SLC6A3: variants seen among roughly 807,000 people sequenced by gnomAD.
SLC6A3 encodes solute carrier family 6 member 3, also known as sodium-dependent dopamine transporter.
Under a neutral mutation model 70.4 loss-of-function variants are expected in SLC6A3, and 19 were observed. The observed-to-expected ratio is 0.27, with a 90% CI of 0.19 to 0.40. The LOEUF (loss-of-function observed/expected upper bound fraction) is 0.40, where lower values mean the gene tolerates loss of function less well. SLC6A3 is among the 10% of genes least tolerant of loss of function. SLC6A3 has a pLI of 1.00. For missense variants in SLC6A3, 613 were observed against 838.5 expected, an observed-to-expected ratio of 0.73 and a Z score of 3.32; for synonymous variants, 368 against 356.6, an observed-to-expected ratio of 1.03 and a Z score of -0.36.
intron 12 of SLC6A3, among the ~76,000 whole-genome samples, 198 bp from the exon 13 acceptor site, chr5:1,403,287 C>T (rs1755894868): frequency 6.6e-6 from 1 of 151,896 alleles, no homozygotes; most frequent in African/African-American, 2.4e-5. Context: ...TCTAGCCTGT[C>T]CTGTCCTATC....
In SLC6A3 at chr5:1,441,501, G is replaced by A; in HGVS notation, c.287-11C>T. 6.2e-7 allele frequency: 1 copy of A among 1,613,606 alleles called. No individual in the cohort carries two copies. The highest frequency in any genetic ancestry group is 8.5e-7 in the Non-Finnish European group (1 of 1,179,788). Reference sequence around the variant, plus strand: ...GGACCAGGAAGGCACCTGTGGGGCAGAAAAGCACCTTTAGTTTGGGGCCTC... The same window carrying A: ...GGACCAGGAAGGCACCTGTGGGGCAAAAAAGCACCTTTAGTTTGGGGCCTC... On this transcript the variant is annotated splice_polypyrimidine_tract_variant and intron_variant, in intron 2 of 14. Coordinates refer to ENST00000270349, the MANE Select transcript of SLC6A3 (RefSeq NM_001044.5).
At position 1,405,977 on chromosome 5, in the gene SLC6A3, T is replaced by C. The variant is rs577480638; in HGVS notation, c.1599+211A>G. 1.7e-3 allele frequency among the ~76,000 whole-genome samples: 255 copies of C among 151,120 alleles called. 4 individuals are homozygous for C. Among genetic ancestry groups the C allele is most frequent in the African/African-American group, 6.0e-3 (244 of 40,934 alleles). ...GACAGGGGTCCAAGACCATGTGAGGTTTTTTCGGTGGGTCTAGAGGGGAGG... is the reference window on the plus strand; with the variant it reads ...GACAGGGGTCCAAGACCATGTGAGGCTTTTTCGGTGGGTCTAGAGGGGAGG... On this transcript the variant is annotated intron_variant, in intron 12 of 14. Transcript: ENST00000270349. This position sits in a 1 kb window ranked among gnomAD's most constrained non-coding sequence, Gnocchi z 5.3.
At chr5:1,398,232 G>A (rs1012546618) in intron 14 of SLC6A3, among the ~76,000 whole-genome samples, 6 of 151,890 alleles carry the variant, frequency 4.0e-5, no homozygotes, top group Non-Finnish European at 8.8e-5. Flanking sequence ...GTGGTGCTGG[G>A]CACCTGTAAT....
intron 4 of SLC6A3, among the ~76,000 whole-genome samples, chr5:1,425,957 A>T (rs565633818): frequency 6.6e-6 from 1 of 152,322 alleles, no homozygotes; most frequent in South Asian, 2.1e-4. Context: ...AATCAAAAAT[A>T]CAATGACAGA....
chr5:1,405,287 G>A lies in SLC6A3; in HGVS notation c.1599+901C>T, dbSNP rs923008813. 2.6e-5 allele frequency among the ~76,000 whole-genome samples: 4 copies of A among 152,094 alleles called. No individual in the cohort carries two copies. Among genetic ancestry groups the A allele is most frequent in the Non-Finnish European group, 2.9e-5 (2 of 68,002 alleles). On this transcript the variant is annotated intron_variant, in intron 12 of 14. Coordinates refer to ENST00000270349, the MANE Select transcript of SLC6A3 (RefSeq NM_001044.5). The surrounding 1 kb of genome is among the most constrained non-coding windows in gnomAD (Gnocchi z 5.3). ...GTCTCTCATCTCTTTCCTGTACCCCGGAACCCCTCTGCTGGCAACTACGGG... is the reference window on the plus strand; with the variant it reads ...GTCTCTCATCTCTTTCCTGTACCCCAGAACCCCTCTGCTGGCAACTACGGG...
Position 1,402,559 on chromosome 5 carries a change from T to C in SLC6A3, c.1767+363A>G, listed in dbSNP as rs1386008064. 6.6e-6 allele frequency among the ~76,000 whole-genome samples: 1 copy of C among 152,060 alleles called. No individual in the cohort carries two copies. The stretch of plus-strand genomic sequence containing the variant: ...GTACACACAAACACTTGGACACGAA[T>C]GTGAGCACAGACCCAGGCCCACACA... On this transcript the variant is annotated intron_variant, in intron 13 of 14. Coordinates refer to ENST00000270349, the MANE Select transcript of SLC6A3 (RefSeq NM_001044.5). This position sits in a 1 kb window ranked among gnomAD's most constrained non-coding sequence, Gnocchi z 8.5.
chr5:1,432,491 C>T lies in SLC6A3; in HGVS notation c.626G>A (p.Gly209Glu). Residue 209 changes from glycine to glutamate, a missense_variant, in exon 4 of 15, where the codon GGG becomes GAG. Physicochemically the swap from Gly to Glu is moderately conservative, Grantham distance 98. Transcript: ENST00000270349. ...GDSSGLNDTF[G>E]TTPAAEYFER... Reference sequence around the variant, plus strand: ...AAAGTACTCGGCAGCAGGTGTGGTCCCAAAAGTGTCGTTGAGGCCCGAGCT... The same window carrying T: ...AAAGTACTCGGCAGCAGGTGTGGTCTCAAAAGTGTCGTTGAGGCCCGAGCT... 6.2e-7 allele frequency: 1 copy of T among 1,614,160 alleles called. No individual in the cohort carries two copies. Among genetic ancestry groups the T allele is most frequent in the South Asian group, 1.1e-5 (1 of 91,086 alleles).
rs1755971781 is a variant in SLC6A3 at position 1,406,072 on chromosome 5, G to A, written c.1599+116C>T. The A allele has an allele frequency of 2.6e-6, 2 of 773,700 alleles. No individual in the cohort carries two copies. The highest frequency in any genetic ancestry group is 4.7e-6 in the Non-Finnish European group (2 of 428,770). 47.9% of individuals were successfully genotyped at this position (773,700 alleles called of 1,614,324 possible). ...CCTGTCCTTCTGGGCCGAGTCTTGA[G>A]GCCCCTGACTCCAGCCACAGTGACA... On this transcript the variant is annotated intron_variant, in intron 12 of 14. Coordinates refer to ENST00000270349, the MANE Select transcript of SLC6A3 (RefSeq NM_001044.5). The surrounding 1 kb of genome is among the most constrained non-coding windows in gnomAD (Gnocchi z 8.8).
rs368985119 is a variant in SLC6A3 at position 1,442,710 on chromosome 5, G to A, written c.286+202C>T. On this transcript the variant is annotated intron_variant, in intron 2 of 14. Transcript: ENST00000270349. This position sits in a 1 kb window ranked among gnomAD's most constrained non-coding sequence, Gnocchi z 5.0. ...CTTTCCTAAACTCTGAAATGCAGGCGTGGGACAAGGCAGCTCCGAGTCCTG... is the reference window on the plus strand; with the variant it reads ...CTTTCCTAAACTCTGAAATGCAGGCATGGGACAAGGCAGCTCCGAGTCCTG... 1.1e-4 allele frequency among the ~76,000 whole-genome samples: 16 copies of A among 151,780 alleles called. No individual in the cohort carries two copies. The highest frequency in any genetic ancestry group is 2.1e-4 in the South Asian group (1 of 4,800).
Position 1,422,022 on chromosome 5 carries a change from G to A in SLC6A3, c.654-8C>T, listed in dbSNP as rs755790737. 24 of 1,610,030 alleles carry A rather than the reference G, an allele frequency of 1.5e-5. No individual in the cohort carries two copies. Among genetic ancestry groups the A allele is most frequent in the Non-Finnish European group, 1.8e-5 (21 of 1,179,672 alleles). ...AGGTGCAGCACGCCACGTCTGCAGA[G>A]GGGAGTCAGCGGGGGACTCTGTGGG... On this transcript the variant is annotated splice_polypyrimidine_tract_variant and splice_region_variant and intron_variant, in intron 4 of 14. Transcript: ENST00000270349.
intron 7 of SLC6A3, among the ~76,000 whole-genome samples, chr5:1,415,432 G>A (rs548367633): frequency 3.2e-4 from 48 of 152,264 alleles, no homozygotes; most frequent in South Asian, 4.1e-4. Flanking sequence ...GGTGGGCTGC[G>A]GGCAGGCGCT....
chr5:1,400,037 G>A (rs572490867), intron 14 of SLC6A3, among the ~76,000 whole-genome samples: 1 of 152,372 alleles, frequency 6.6e-6, no homozygotes, highest in East Asian at 1.9e-4. Context: ...CCAGAGGGAA[G>A]AGGCAGGTCC....
intron 4 of SLC6A3, among the ~76,000 whole-genome samples, chr5:1,422,449 C>T (rs1756466298): frequency 1.8e-5 from 1 of 54,214 alleles, no homozygotes; most frequent in Non-Finnish European, 3.3e-5. Context: ...CCGCTGCCCA[C>T]AGTGCTGCCC....
At position 1,402,077 on chromosome 5, in the gene SLC6A3, G is replaced by A. The variant is rs996975528; in HGVS notation, c.1767+845C>T. Among the ~76,000 whole-genome samples the A allele has an allele frequency of 1.3e-5, 2 of 152,184 alleles. No homozygotes were observed. Among genetic ancestry groups the A allele is most frequent in the East Asian group, 1.9e-4 (1 of 5,174 alleles). On this transcript the variant is annotated intron_variant, in intron 13 of 14. Coordinates refer to ENST00000270349, the MANE Select transcript of SLC6A3 (RefSeq NM_001044.5). This position sits in a 1 kb window ranked among gnomAD's most constrained non-coding sequence, Gnocchi z 8.5. ...CACATGTCTGAGCCCAGGGGACACC[G>A]TGTGGCCCTAAGGTGGAATCCTTGA...
chr5:1,423,049 A>G (rs866346400), intron 4 of SLC6A3, among the ~76,000 whole-genome samples: 28 of 36,696 alleles, frequency 7.6e-4, no homozygotes, highest in South Asian at 1.7e-3. Flanking sequence ...TGCCCACAGT[A>G]CTGCCCAAGG....
intron 7 of SLC6A3, among the ~76,000 whole-genome samples, chr5:1,415,464 C>G (rs1247970671): frequency 6.6e-6 from 1 of 152,202 alleles, no homozygotes; most frequent in Admixed American, 6.5e-5. Flanking sequence ...TGCCTTCCAG[C>G]GCCCACTCTC....
rs1756754618 is a variant in SLC6A3 at position 1,433,470 on chromosome 5, G to A, written c.419-772C>T. Reference sequence around the variant, plus strand: ...CCAGGGCCACTTTGAGTCGCAAAGGGCCATCCATGGCCATCCACAGCCATC... The same window carrying A: ...CCAGGGCCACTTTGAGTCGCAAAGGACCATCCATGGCCATCCACAGCCATC... On this transcript the variant is annotated intron_variant, in intron 3 of 14. Coordinates refer to ENST00000270349, the MANE Select transcript of SLC6A3 (RefSeq NM_001044.5). Among the ~76,000 whole-genome samples the A allele has an allele frequency of 2.0e-5, 3 of 152,208 alleles. No individual in the cohort carries two copies. In the South Asian group the frequency reaches 6.2e-4, roughly 32 times the overall value.
intron 3 of SLC6A3, among the ~76,000 whole-genome samples, chr5:1,434,620 AT>A (rs11344041): frequency 0.31 from 47,158 of 151,834 alleles, 8,228 homozygotes; most frequent in East Asian, 0.53. Flanking sequence ...TCCAGGAAGA[AT>A]TTTTTTCATT....
At chr5:1,433,186 G>A (rs2126395833) in intron 3 of SLC6A3, among the ~76,000 whole-genome samples, 1 of 152,260 alleles carries the variant, frequency 6.6e-6, no homozygotes, top group Non-Finnish European at 1.5e-5. Flanking sequence ...TGGTTAACCA[G>A]GGCTATCAGG....
Sources: gnomAD v4.1 joint callset for allele counts (sites outside exome capture counted in the v4.1 genomes callset) on GRCh38, gnomAD v4.1.1 for gene constraint, Gnocchi (gnomAD v3.1) non-coding constraint, MANE v1.5 for transcripts, NCBI Gene and HGNC (gene_info 2026-07-23, HGNC 2026-07-21) for gene names.